MRC2: variants seen among roughly 807,000 people sequenced by gnomAD.
MRC2 encodes the protein mannose receptor C-type 2, also known as C-type mannose receptor 2.
A neutral mutation model predicts 206.2 loss-of-function variants in MRC2; 84 were observed. The ratio of observed to expected loss-of-function variants is 0.41; its 90% CI spans 0.34 to 0.49. The LOEUF (loss-of-function observed/expected upper bound fraction) is 0.49, where lower values mean the gene tolerates loss of function less well. Ranked by LOEUF, MRC2 falls within the 20% of genes least tolerant of loss-of-function variation. MRC2 has a pLI of 0.31. For synonymous variants in MRC2, 798 were observed against 800.0 expected (o/e 1.00, Z 0.04); for missense variants, 1,676 against 2,001.5 (o/e 0.84, Z 3.10).
In MRC2 at chr17:62,692,762, C is replaced by G. The variant is rs894766725; in HGVS notation, c.*311C>G. ...AGGGGGAACGAGAGCCTCTTTCTCCCCAGAGCCCCCGGCCCAGGCCTGTTG... is the reference window on the plus strand; with the variant it reads ...AGGGGGAACGAGAGCCTCTTTCTCCGCAGAGCCCCCGGCCCAGGCCTGTTG... On this transcript the variant is annotated 3_prime_UTR_variant, in exon 30 of 30. Coordinates refer to ENST00000303375, the MANE Select transcript of MRC2 (RefSeq NM_006039.5). This position sits in a 1 kb window ranked among gnomAD's most constrained non-coding sequence, Gnocchi z 4.2. 2.8e-6 allele frequency: 1 copy of G among 356,480 alleles called. No individual in the cohort carries two copies. The highest frequency in any genetic ancestry group is 2.1e-5 in the African/African-American group (1 of 48,454). 22.1% of individuals were successfully genotyped at this position (356,480 alleles called of 1,614,324 possible).
At chr17:62,638,652 C>T (rs56270505) in intron 1 of MRC2, among the ~76,000 whole-genome samples, 18,711 of 149,934 alleles carry the variant, frequency 0.12, 2,407 homozygotes, top group African/African-American at 0.33. Context: ...GTAGGAGTAT[C>T]GCTTGAACCT....
intron 1 of MRC2, among the ~76,000 whole-genome samples, chr17:62,642,377 C>T (rs1428081401): frequency 1.3e-5 from 2 of 152,166 alleles, no homozygotes; most frequent in Non-Finnish European, 2.9e-5. Flanking sequence ...ACACCAATGT[C>T]AATTTGTTCC....
At position 62,680,874 on chromosome 17, in the gene MRC2, C is replaced by A. The variant is rs762018744; in HGVS notation, c.2548C>A (p.Gln850Lys). The A allele has an allele frequency of 4.7e-5, 76 of 1,613,082 alleles. No homozygotes were observed. The highest frequency in any genetic ancestry group is 6.4e-5 in the Non-Finnish European group (75 of 1,179,936). The change falls in exon 17 of 30, where the codon CAG becomes AAG. Residue 850 changes from glutamine to lysine, a missense_variant. Gln to Lys is a moderately conservative substitution (Grantham distance 53, BLOSUM62 1). Transcript: ENST00000303375. The surrounding 1 kb of genome is among the most constrained non-coding windows in gnomAD (Gnocchi z 4.8). ...GCACCACTCCACGTGGGCGCAGGCGCAGCGCATCTGCACGTGGTTCCAGGC... is the reference window on the plus strand; with the variant it reads ...GCACCACTCCACGTGGGCGCAGGCGAAGCGCATCTGCACGTGGTTCCAGGC... The part of the protein sequence containing the change: ...FEHHSTWAQA[Q>K]RICTWFQAEL...
intron 10 of MRC2, 118 bp downstream of exon 10, chr17:62,676,023 C>T (rs904867582): frequency 3.8e-6 from 3 of 782,320 alleles, no homozygotes; most frequent in Non-Finnish European, 6.3e-6. Context: ...GTCCTGTGAA[C>T]CTCAGTGGGC....
rs1305318669 is a variant in MRC2, at chr17:62,672,318, C to T, written c.1461+166C>T. On this transcript the variant is annotated intron_variant, in intron 8 of 29. Transcript: ENST00000303375. The surrounding 1 kb of genome is among the most constrained non-coding windows in gnomAD (Gnocchi z 4.5). Reference sequence around the variant, plus strand: ...AATGCCTTCCCTTCCATGTGAGAGACTGCCGGGGCTTGAATCCTACCTCCA... The same window carrying T: ...AATGCCTTCCCTTCCATGTGAGAGATTGCCGGGGCTTGAATCCTACCTCCA... 6.6e-6 allele frequency among the ~76,000 whole-genome samples: 1 copy of T among 152,192 alleles called. No individual in the cohort carries two copies. Among genetic ancestry groups the T allele is most frequent in the Non-Finnish European group, 1.5e-5 (1 of 68,032 alleles).
rs1598982248 is a variant in MRC2, at chr17:62,664,452, A to G, written c.119-96A>G. ...TATGAGTGACGGCTCACCATCCTGC[A>G]CTGGGCACATGGTAGGTGCCTGTCA... On this transcript the variant is annotated intron_variant, in intron 1 of 29. Coordinates refer to ENST00000303375, the MANE Select transcript of MRC2 (RefSeq NM_006039.5). This position sits in a 1 kb window ranked among gnomAD's most constrained non-coding sequence, Gnocchi z 4.7. 5.2e-6 allele frequency: 7 copies of G among 1,338,426 alleles called. No individual in the cohort carries two copies. The East Asian group carries it at 9.2e-5, about 18-fold the overall frequency. 82.9% of individuals were successfully genotyped at this position (1,338,426 alleles called of 1,614,324 possible). A position where few individuals can be genotyped will look rare whatever the true frequency, so the allele number is the denominator to read the frequency against.
intron 1 of MRC2, among the ~76,000 whole-genome samples, chr17:62,631,288 G>T (rs1239735860): frequency 6.6e-6 from 1 of 151,984 alleles, no homozygotes; most frequent in African/African-American, 2.4e-5. Context: ...CGCCGTGCTG[G>T]GTCCTGTGCT....
intron 6 of MRC2, among the ~76,000 whole-genome samples, chr17:62,670,631 A>G (rs1429059347): frequency 6.6e-6 from 1 of 152,202 alleles, no homozygotes; most frequent in Non-Finnish European, 1.5e-5. Flanking sequence ...CAACCCCTAG[A>G]AGGTGAACCT....
intron 1 of MRC2, among the ~76,000 whole-genome samples, chr17:62,663,368 T>C (rs72838252): frequency 0.027 from 4,160 of 152,234 alleles, 86 homozygotes; most frequent in Non-Finnish European, 0.042. Flanking sequence ...ATTTAAAACA[T>C]ATATTTAATT....
chr17:62,665,435 GA>G (rs2088740070), intron 2 of MRC2, among the ~76,000 whole-genome samples: 1 of 147,272 alleles, frequency 6.8e-6, no homozygotes, highest in Non-Finnish European at 1.5e-5. Flanking sequence ...GAAAAGAAAA[GA>G]AAAAAGAAAA....
chr17:62,630,346 C>G (rs991178296), intron 1 of MRC2, among the ~76,000 whole-genome samples: 3 of 152,100 alleles, frequency 2.0e-5, no homozygotes, highest in Admixed American at 1.3e-4. Context: ...GAAATGAAGG[C>G]TAAGAGGGGT....
chr17:62,676,284 C>T (rs865984096), intron 10 of MRC2, 99 bp from the exon 11 acceptor site: 119 of 1,465,544 alleles, frequency 8.1e-5, no homozygotes, highest in African/African-American at 2.5e-4. Context: ...AGTTATTGGT[C>T]GGGTGCAGCA....
At chr17:62,668,581 T>C (rs1203241104) in intron 6 of MRC2, among the ~76,000 whole-genome samples, 1 of 152,110 alleles carries the variant, frequency 6.6e-6, no homozygotes, top group African/African-American at 2.4e-5. Context: ...TTTAACAAGA[T>C]CCTCAGATGA....
At chr17:62,636,778 G>GT (rs1300663708) in intron 1 of MRC2, among the ~76,000 whole-genome samples, 5 of 152,146 alleles carry the variant, frequency 3.3e-5, no homozygotes, top group Admixed American at 3.3e-4. Context: ...GCCTGTCGTT[G>GT]TTTTTTAACT....
Position 62,692,012 on chromosome 17 carries a change from C to T in MRC2, c.4193-100C>T, listed in dbSNP as rs1226544912. On this transcript the variant is annotated intron_variant, in intron 28 of 29. Transcript: ENST00000303375. This position sits in a 1 kb window ranked among gnomAD's most constrained non-coding sequence, Gnocchi z 4.2. ...GGGGGAACTAGAGCCTCTTTCTCCC[C>T]AGACCTCCCGGCCCAGGCCTGTGTG... 1 of 1,529,200 alleles carries T rather than the reference C, an allele frequency of 6.5e-7. No homozygotes were observed. Among genetic ancestry groups the T allele is most frequent in the African/African-American group, 1.4e-5 (1 of 73,306 alleles). The allele number at this position is 1,529,200 out of a possible 1,614,324, so 94.7% of individuals were successfully genotyped here.
intron 1 of MRC2, among the ~76,000 whole-genome samples, chr17:62,632,037 G>A (rs1241533734): frequency 1.3e-5 from 2 of 152,092 alleles, no homozygotes; most frequent in African/African-American, 2.4e-5. Context: ...GGAGGGGGCC[G>A]CTTTCCCACG....
chr17:62,667,582 G>T lies in MRC2; in HGVS notation c.1117+49G>T. On this transcript the variant is annotated intron_variant, in intron 6 of 29. Coordinates refer to ENST00000303375, the MANE Select transcript of MRC2 (RefSeq NM_006039.5). This position sits in a 1 kb window ranked among gnomAD's most constrained non-coding sequence, Gnocchi z 4.1. ...GGTGGGGAGGGGCTCCCAGGGCCAG[G>T]GACACAGCCACAGAGCCGTGGCAGG... 1.3e-6 allele frequency: 2 copies of T among 1,553,458 alleles called. No homozygotes were observed. Among genetic ancestry groups the T allele is most frequent in the Non-Finnish European group, 8.6e-7 (1 of 1,160,746 alleles).
chr17:62,633,840 C>CAAAAAAAAAAAAAA lies in MRC2; in HGVS notation c.118+5949_118+5962dup, dbSNP rs571793821. 2.1e-4 allele frequency among the ~76,000 whole-genome samples: 7 copies of CAAAAAAAAAAAAAA among 33,920 alleles called. 2 individuals are homozygous for CAAAAAAAAAAAAAA. Among genetic ancestry groups the CAAAAAAAAAAAAAA allele is most frequent in the Admixed American group, 1.3e-3 (2 of 1,558 alleles). The allele number at this position is 33,920 out of a possible 152,430, so 22.3% of individuals were successfully genotyped here. A position where few individuals can be genotyped will look rare whatever the true frequency, so the allele number is the denominator to read the frequency against. Reference sequence around the variant, plus strand: ...TGAGTGACAGAGTGAGACCCTGTCTCAAAAAAAAAAAAAAAAAAAAAAAAA... The same window carrying CAAAAAAAAAAAAAA: ...TGAGTGACAGAGTGAGACCCTGTCTCAAAAAAAAAAAAAAAAAAAAAAAAAAAAAAAAAAAAAAA... On this transcript the variant is annotated intron_variant, in intron 1 of 29. Transcript: ENST00000303375.
chr17:62,650,491 G>T (rs758978356), intron 1 of MRC2, among the ~76,000 whole-genome samples: 2 of 152,182 alleles, frequency 1.3e-5, no homozygotes, highest in Non-Finnish European at 2.9e-5. Context: ...TTGCCTGTGG[G>T]CTATCATCTA....
Sources: gnomAD v4.1 joint callset for allele counts (sites outside exome capture counted in the v4.1 genomes callset) on GRCh38, gnomAD v4.1.1 for gene constraint, Gnocchi (gnomAD v3.1) non-coding constraint, MANE v1.5 for transcripts, NCBI Gene and HGNC (gene_info 2026-07-23, HGNC 2026-07-21) for gene names.